Variants in SLC9A8 observed in about 807,000 individuals in gnomAD.
SLC9A8 encodes solute carrier family 9 member A8, also known as sodium/hydrogen exchanger 8.
Under a neutral mutation model 66.6 loss-of-function variants are expected in SLC9A8, and 48 were observed. The ratio of observed to expected loss-of-function variants is 0.72; its 90% CI spans 0.57 to 0.92. SLC9A8 has a LOEUF of 0.92. Among genes scored for constraint, SLC9A8 ranks in the 40% least tolerant of loss-of-function variants. The probability of loss-of-function intolerance (pLI) is 0.00; values close to 1 mark genes in which losing one functional copy is unlikely to be tolerated. For missense variants in SLC9A8, 599 were observed against 747.3 expected, an observed-to-expected ratio of 0.80 and a Z score of 2.31; for synonymous variants, 274 against 282.6, an observed-to-expected ratio of 0.97 and a Z score of 0.31.
At chr20:49,868,860 T>C (rs2089081243) in intron 10 of SLC9A8, among the ~76,000 whole-genome samples, 1 of 152,222 alleles carries the variant, frequency 6.6e-6, no homozygotes, top group African/African-American at 2.4e-5. Flanking sequence ...GCCCTCTGTC[T>C]CAATATGATG....
chr20:49,839,786 A>T (rs1363180642), intron 4 of SLC9A8, among the ~76,000 whole-genome samples, 187 bp downstream of exon 4: 1 of 152,146 alleles, frequency 6.6e-6, no homozygotes, highest in Non-Finnish European at 1.5e-5. Context: ...CATAAGTCTC[A>T]TGCTGTTTCA....
At chr20:49,850,940 C>T in intron 7 of SLC9A8, 96 bp downstream of exon 7, 1 of 766,470 alleles carries the variant, frequency 1.3e-6, no homozygotes, top group Middle Eastern at 2.5e-4. Context: ...GTTCTATTCT[C>T]TCTCTGTGTA....
intron 3 of SLC9A8, among the ~76,000 whole-genome samples, chr20:49,833,653 A>C (rs1041934875): frequency 6.6e-5 from 10 of 152,102 alleles, no homozygotes; most frequent in African/African-American, 2.4e-4. Flanking sequence ...AGATGGTAGG[A>C]TGCACCCGAG....
At chr20:49,879,799 C>CA (rs3091549) in intron 12 of SLC9A8, among the ~76,000 whole-genome samples, 67 of 143,944 alleles carry the variant, frequency 4.7e-4, no homozygotes, top group South Asian at 1.8e-3. Flanking sequence ...CACTCCATCT[C>CA]AAAAAAAAAA....
At chr20:49,837,199 A>G (rs55999915) in intron 3 of SLC9A8, among the ~76,000 whole-genome samples, 1 of 152,164 alleles carries the variant, frequency 6.6e-6, no homozygotes, top group African/African-American at 2.4e-5. Context: ...TAGTTGTCCC[A>G]CCTTTCCAGA....
chr20:49,834,185 CTATATA>C (rs377091649), intron 3 of SLC9A8, among the ~76,000 whole-genome samples: 565 of 34,440 alleles, frequency 0.016, 19 homozygotes, highest in Middle Eastern at 0.052. Context: ...CTCTCTCTCT[CTATATA>C]TATATATATA....
chr20:49,849,877 C>T (rs1263854221), intron 6 of SLC9A8, among the ~76,000 whole-genome samples, 197 bp downstream of exon 6: 2 of 152,156 alleles, frequency 1.3e-5, no homozygotes, highest in Non-Finnish European at 2.9e-5. Flanking sequence ...CCTCCAAGAC[C>T]TTTGGTATCT....
intron 13 of SLC9A8, 92 bp from the exon 14 acceptor site, chr20:49,883,754 G>T: frequency 1.0e-6 from 1 of 979,292 alleles, no homozygotes; most frequent in Non-Finnish European, 1.5e-6. Context: ...TCAGCTGGTC[G>T]TGGTGCTGGG....
At chr20:49,853,438 G>A (rs771040211) in intron 7 of SLC9A8, among the ~76,000 whole-genome samples, 23 of 152,180 alleles carry the variant, frequency 1.5e-4, no homozygotes, top group Admixed American at 7.2e-4. Context: ...CACTGTGCCC[G>A]GCCCAGGATA....
chr20:49,816,437 AAAAC>A (rs1451564611), intron 2 of SLC9A8, among the ~76,000 whole-genome samples: 2 of 151,982 alleles, frequency 1.3e-5, no homozygotes, highest in Non-Finnish European at 2.9e-5. Flanking sequence ...AAAAACAAAA[AAAAC>A]CAAAAAACTA....
At chr20:49,831,155 G>T in intron 3 of SLC9A8, 1 of 490,030 alleles carries the variant, frequency 2.0e-6, no homozygotes, top group East Asian at 4.1e-5. Context: ...TGGGGTCAGG[G>T]GCCTGGGACT....
Position 49,839,569 on chromosome 20 carries a change from T to G in SLC9A8, c.318T>G (p.Ile106Met). Reference protein sequence around the residue: ...LGILMGAVIKIIEFKKLANWK... With the variant: ...LGILMGAVIKMIEFKKLANWK... The stretch of plus-strand genomic sequence containing the variant: ...TTCTCATGGGAGCAGTTATAAAAAT[T>G]ATAGAGTTTAAAAAACTGGCGAATT... Residue 106 changes from isoleucine to methionine, a missense_variant, in exon 4 of 16, where the codon ATT becomes ATG. By Grantham distance (10) the Ile-to-Met change is conservative. Coordinates refer to ENST00000361573, the MANE Select transcript of SLC9A8 (RefSeq NM_015266.3). The G allele has an allele frequency of 6.2e-7, 1 of 1,600,814 alleles. No individual in the cohort carries two copies. Among genetic ancestry groups the G allele is most frequent in the South Asian group, 1.1e-5 (1 of 90,170 alleles).
At chr20:49,845,235 T>C in intron 5 of SLC9A8, 116 bp downstream of exon 5, 1 of 739,094 alleles carries the variant, frequency 1.4e-6, no homozygotes, top group Non-Finnish European at 2.4e-6. Context: ...GCTCTGCTCC[T>C]TCCTGGTTGT....
At chr20:49,831,148 G>T (rs2087168681) in intron 3 of SLC9A8, 1 of 502,834 alleles carries the variant, frequency 2.0e-6, no homozygotes, top group Non-Finnish European at 3.7e-6. Context: ...CCTCACATGG[G>T]GTCAGGGGCC....
chr20:49,814,068 A>G (rs1568778219), intron 1 of SLC9A8, among the ~76,000 whole-genome samples: 1 of 152,070 alleles, frequency 6.6e-6, no homozygotes, highest in Non-Finnish European at 1.5e-5. Flanking sequence ...TTTCAAATAT[A>G]TTTCTTGGCC....
At chr20:49,818,524 T>C (rs2086634147) in intron 2 of SLC9A8, among the ~76,000 whole-genome samples, 1 of 151,232 alleles carries the variant, frequency 6.6e-6, no homozygotes, top group African/African-American at 2.4e-5. Flanking sequence ...GGAATCTTGT[T>C]CTGTTGCCCA....
chr20:49,863,565 T>C (rs1165612910), intron 9 of SLC9A8, among the ~76,000 whole-genome samples: 1 of 152,138 alleles, frequency 6.6e-6, no homozygotes, highest in Non-Finnish European at 1.5e-5. Flanking sequence ...AAAAAATACA[T>C]AAATAAAAAT....
At chr20:49,885,981 T>C (rs551002708) in intron 14 of SLC9A8, among the ~76,000 whole-genome samples, 32 of 152,334 alleles carry the variant, frequency 2.1e-4, no homozygotes, top group African/African-American at 6.7e-4. Context: ...GGGCTCAGTA[T>C]TTTGTGGTTT....
At chr20:49,814,361 C>G (rs778537024) in intron 1 of SLC9A8, among the ~76,000 whole-genome samples, 3 of 152,164 alleles carry the variant, frequency 2.0e-5, no homozygotes, top group African/African-American at 7.2e-5. Context: ...TGGAATAAAG[C>G]AGTGCTCAGA....
Sources: gnomAD v4.1 joint callset for allele counts (sites outside exome capture counted in the v4.1 genomes callset) on GRCh38, gnomAD v4.1.1 for gene constraint, MANE v1.5 for transcripts, NCBI Gene and HGNC (gene_info 2026-07-23, HGNC 2026-07-21) for gene names.